TMEM132D: variants seen among roughly 807,000 people sequenced by gnomAD.
TMEM132D encodes mature OL transmembrane protein.
TMEM132D carries 21 observed loss-of-function variants against 62.3 expected under a neutral mutation model. The ratio of observed to expected loss-of-function variants is 0.34; its 90% confidence interval spans 0.24 to 0.49. The LOEUF is 0.49. Ranked by LOEUF, TMEM132D falls within the 20% of genes least tolerant of loss-of-function variation. TMEM132D has a pLI of 0.99. For synonymous variants in TMEM132D, 621 were observed against 575.6 expected, an observed-to-expected ratio of 1.08 and a Z score of -1.13; for missense variants, 1,346 against 1,402.8, an observed-to-expected ratio of 0.96 and a Z score of 0.65.
intron 2 of TMEM132D, among the ~76,000 whole-genome samples, chr12:129,582,777 C>A (rs936628290): frequency 1.3e-5 from 2 of 152,004 alleles, no homozygotes; most frequent in Non-Finnish European, 2.9e-5. Context: ...CATCACCATG[C>A]CTGGCTAATT....
At chr12:129,307,643 C>A (rs1414790644) in intron 4 of TMEM132D, among the ~76,000 whole-genome samples, 1 of 152,120 alleles carries the variant, frequency 6.6e-6, no homozygotes, top group African/African-American at 2.4e-5. Flanking sequence ...TCTCTTCTTT[C>A]CCTCAACACT....
intron 4 of TMEM132D, among the ~76,000 whole-genome samples, chr12:129,248,259 T>A (rs1593310965): frequency 6.6e-6 from 1 of 152,194 alleles, no homozygotes; most frequent in Admixed American, 6.5e-5. Flanking sequence ...CTATCAACTT[T>A]ATGATAATAA....
chr12:129,513,569 T>G (rs1033280698), intron 3 of TMEM132D, among the ~76,000 whole-genome samples: 7 of 142,436 alleles, frequency 4.9e-5, no homozygotes, highest in Non-Finnish European at 1.1e-4. Context: ...ACTGCAAGCT[T>G]CGCCTCCCGG....
intron 3 of TMEM132D, among the ~76,000 whole-genome samples, chr12:129,484,965 C>T (rs956083510): frequency 2.0e-5 from 3 of 152,146 alleles, no homozygotes; most frequent in Non-Finnish European, 4.4e-5. Context: ...TGTTTCTTCA[C>T]AGAGGGCCAA....
chr12:129,075,163 C>CAAAG (rs1367742667), intron 8 of TMEM132D, 104 bp from the exon 9 acceptor site: 1 of 864,832 alleles, frequency 1.2e-6, no homozygotes, highest in African/African-American at 1.7e-5. Context: ...GCTACAAGAA[C>CAAAG]AAAGACAAAC....
chr12:129,447,841 G>T (rs948981848), intron 3 of TMEM132D, among the ~76,000 whole-genome samples: 2 of 152,164 alleles, frequency 1.3e-5, no homozygotes, highest in African/African-American at 2.4e-5. Flanking sequence ...CACCACTAAG[G>T]AGCTGAGTGA....
At chr12:129,800,330 G>A (rs1186774459) in intron 1 of TMEM132D, among the ~76,000 whole-genome samples, 1 of 151,430 alleles carries the variant, frequency 6.6e-6, no homozygotes, top group African/African-American at 2.4e-5. Flanking sequence ...TGCGGGCAGA[G>A]AGTGTCAAAA....
chr12:129,191,613 T>C (rs1878403594), intron 5 of TMEM132D, among the ~76,000 whole-genome samples: 1 of 151,716 alleles, frequency 6.6e-6, no homozygotes, highest in African/African-American at 2.4e-5. Context: ...ATACTAATTA[T>C]ATAAGATATA....
At chr12:129,246,352 A>T (rs1880111765) in intron 4 of TMEM132D, among the ~76,000 whole-genome samples, 1 of 152,178 alleles carries the variant, frequency 6.6e-6, no homozygotes, top group African/African-American at 2.4e-5. Flanking sequence ...ACCAAGGCTG[A>T]GCACCACGGC....
chr12:129,700,469 C>G lies in TMEM132D; in HGVS notation c.309G>C (p.Glu103Asp), dbSNP rs1026943926. 12 of 1,614,138 alleles carry G rather than the reference C, an allele frequency of 7.4e-6. No homozygotes were observed. The East Asian group carries it at 2.2e-4, about 30-fold the overall frequency. ...GCATTAAATCCTGGGGCACCACTTGCTCGATGGAGAAAGGCCCGTAGCTGG... is the reference window on the plus strand; with the variant it reads ...GCATTAAATCCTGGGGCACCACTTGGTCGATGGAGAAAGGCCCGTAGCTGG... ...LNASYGPFSIEQVVPQDLMLP... is the reference protein window; with the variant it reads ...LNASYGPFSIDQVVPQDLMLP... Residue 103 changes from glutamate to aspartate, a missense_variant, in exon 2 of 9, where the codon GAG becomes GAC. Physicochemically the swap from Glu to Asp is conservative, Grantham distance 45. Transcript: ENST00000422113.
chr12:129,602,604 T>C (rs1029119946), intron 2 of TMEM132D, among the ~76,000 whole-genome samples: 1 of 152,168 alleles, frequency 6.6e-6, no homozygotes, highest in Non-Finnish European at 1.5e-5. Flanking sequence ...CAGGGGCATA[T>C]GACTTTTGTT....
chr12:129,236,087 T>G (rs1333675450), intron 4 of TMEM132D, among the ~76,000 whole-genome samples: 11 of 151,136 alleles, frequency 7.3e-5, no homozygotes, highest in Non-Finnish European at 1.5e-4. Context: ...TCCAAATAAT[T>G]TTATTATGAT....
At chr12:129,737,523 G>A (rs781676569) in intron 1 of TMEM132D, among the ~76,000 whole-genome samples, 30 of 152,024 alleles carry the variant, frequency 2.0e-4, no homozygotes, top group Non-Finnish European at 3.7e-4. Flanking sequence ...GCCCCACCTA[G>A]AAAGGGCATG....
chr12:129,801,260 G>T (rs530493961), intron 1 of TMEM132D, among the ~76,000 whole-genome samples: 3 of 152,180 alleles, frequency 2.0e-5, no homozygotes, highest in African/African-American at 7.2e-5. Flanking sequence ...TCCACCTCTG[G>T]GGGCAGGGCA....
chr12:129,832,975 A>C (rs1297805662), intron 1 of TMEM132D, among the ~76,000 whole-genome samples: 2 of 152,134 alleles, frequency 1.3e-5, no homozygotes, highest in African/African-American at 4.8e-5. Context: ...TTAGCTGGTC[A>C]CTCTCAGAAA....
intron 2 of TMEM132D, among the ~76,000 whole-genome samples, chr12:129,651,474 G>T (rs142044756): frequency 2.8e-4 from 42 of 152,206 alleles, no homozygotes; most frequent in African/African-American, 9.4e-4. Flanking sequence ...AATAACCTTT[G>T]TATAAGCAAA....
At chr12:129,304,296 G>A (rs7978036) in intron 4 of TMEM132D, among the ~76,000 whole-genome samples, 2 of 150,228 alleles carry the variant, frequency 1.3e-5, no homozygotes, top group Non-Finnish European at 3.0e-5. Context: ...CATATCCTCC[G>A]ATACCGTGCA....
At chr12:129,689,827 A>G (rs934368306) in intron 2 of TMEM132D, among the ~76,000 whole-genome samples, 2 of 152,220 alleles carry the variant, frequency 1.3e-5, no homozygotes, top group Admixed American at 6.5e-5. Flanking sequence ...TGATGTGTAC[A>G]TGGCTTGGAA....
intron 2 of TMEM132D, among the ~76,000 whole-genome samples, chr12:129,651,454 C>A (rs184381034): frequency 3.3e-5 from 5 of 152,200 alleles, no homozygotes; most frequent in Admixed American, 3.3e-4. Context: ...ATGGAGTGCA[C>A]TGAACTAGTA....
Sources: allele counts gnomAD v4.1 joint callset (sites outside exome capture counted in the v4.1 genomes callset), GRCh38; gene constraint gnomAD v4.1.1; transcripts MANE v1.5; gene names NCBI Gene and HGNC (gene_info 2026-07-23, HGNC 2026-07-21).